Variants in PRIM2 observed in about 807,000 individuals in gnomAD.
PRIM2 encodes DNA primase subunit 2, also known as DNA primase large subunit.
A neutral mutation model predicts 67.3 loss-of-function variants in PRIM2; 39 were observed. The observed-to-expected ratio is 0.58, with a 90% CI of 0.45 to 0.76. PRIM2 has a LOEUF of 0.76. Ranked by LOEUF, PRIM2 falls within the 30% of genes least tolerant of loss-of-function variation. The pLI, the probability that PRIM2 is intolerant of heterozygous loss-of-function variation, is 0.00. For missense variants in PRIM2, 398 were observed against 598.7 expected, an observed-to-expected ratio of 0.66 and a Z score of 3.50; for synonymous variants, 143 against 198.7, an observed-to-expected ratio of 0.72 and a Z score of 2.36.
chr6:57,241,180 C>T, the PRIM2 span, among the ~76,000 whole-genome samples: 1 of 148,816 alleles, frequency 6.7e-6, no homozygotes, highest in African/African-American at 2.5e-5. Context: ...GCCGAGATTG[C>T]GCCAGTGCAC....
intron 10 of PRIM2, among the ~76,000 whole-genome samples, chr6:57,560,898 A>G (rs1775614189): frequency 6.6e-6 from 1 of 152,236 alleles, no homozygotes; most frequent in Admixed American, 6.5e-5. Context: ...TAAGGGCCCT[A>G]GGATTTTCAG....
At chr6:57,560,720 G>C (rs1775608933) in intron 10 of PRIM2, among the ~76,000 whole-genome samples, 1 of 151,798 alleles carries the variant, frequency 6.6e-6, no homozygotes, top group Non-Finnish European at 1.5e-5. Flanking sequence ...GTGACTAGGT[G>C]CATTGTCATG....
chr6:57,409,193 C>T (rs79136750), intron 7 of PRIM2, among the ~76,000 whole-genome samples: 30 of 144,640 alleles, frequency 2.1e-4, no homozygotes, highest in Non-Finnish European at 3.0e-4. Flanking sequence ...TTTTTTTTTT[C>T]GAGATGGAGT....
chr6:57,470,927 A>G (rs1418920140), intron 7 of PRIM2, among the ~76,000 whole-genome samples: 7 of 152,198 alleles, frequency 4.6e-5, no homozygotes, highest in Non-Finnish European at 1.0e-4. Flanking sequence ...AGGAAGCTAG[A>G]ATGAGTCCGA....
chr6:57,550,503 T>C (rs1315178634), intron 10 of PRIM2, among the ~76,000 whole-genome samples: 1 of 152,170 alleles, frequency 6.6e-6, no homozygotes, highest in African/African-American at 2.4e-5. Context: ...CTCCTAACAC[T>C]ATTCTGGCAA....
At chr6:57,481,798 G>A (rs1484449132) in intron 7 of PRIM2, among the ~76,000 whole-genome samples, 12,884 of 152,166 alleles carry the variant, frequency 0.085, 584 homozygotes, top group Admixed American at 0.11. Flanking sequence ...TCTGATAGGT[G>A]TCTAGTAGTA....
chr6:57,248,060 AG>A, the PRIM2 span, among the ~76,000 whole-genome samples: 1 of 152,234 alleles, frequency 6.6e-6, no homozygotes, highest in Non-Finnish European at 1.5e-5. Context: ...GGAATTAAGG[AG>A]TGTACATAAG....
intron 5 of PRIM2, among the ~76,000 whole-genome samples, chr6:57,353,652 A>G (rs1768928900): frequency 6.6e-6 from 1 of 152,192 alleles, no homozygotes. Context: ...GTAGATTACT[A>G]TCGGTAGTCT....
chr6:57,310,517 G>A (rs891585022), upstream of PRIM2, among the ~76,000 whole-genome samples: 8 of 152,156 alleles, frequency 5.3e-5, no homozygotes, highest in Non-Finnish European at 1.2e-4. Context: ...TTTTCTTTTC[G>A]ACAAAACCAC....
chr6:57,427,694 G>C (rs1308004137), intron 7 of PRIM2, among the ~76,000 whole-genome samples: 1 of 152,008 alleles, frequency 6.6e-6, no homozygotes, highest in African/African-American at 2.4e-5. Flanking sequence ...AATTTTTTTG[G>C]GGGGAGATTG....
intron 7 of PRIM2, among the ~76,000 whole-genome samples, chr6:57,410,172 A>C (rs1253799902): frequency 6.6e-6 from 1 of 151,920 alleles, no homozygotes; most frequent in South Asian, 2.1e-4. Context: ...AAAATACAAA[A>C]AATTAACCGG....
the PRIM2 span, among the ~76,000 whole-genome samples, chr6:57,256,132 G>T: frequency 6.6e-6 from 1 of 152,138 alleles, no homozygotes; most frequent in African/African-American, 2.4e-5. Flanking sequence ...CAGTTGTGAT[G>T]AGGTAAGTAC....
chr6:57,344,772 A>C (rs1184171822), intron 5 of PRIM2, among the ~76,000 whole-genome samples: 1 of 152,188 alleles, frequency 6.6e-6, no homozygotes, highest in African/African-American at 2.4e-5. Flanking sequence ...AAAATACACC[A>C]TGGCAGATGG....
intron 7 of PRIM2, among the ~76,000 whole-genome samples, chr6:57,387,628 C>A (rs1387102111): frequency 6.6e-6 from 1 of 152,134 alleles, no homozygotes; most frequent in African/African-American, 2.4e-5. Context: ...AAGGTCCAGT[C>A]ACAGAGCAGG....
the PRIM2 span, among the ~76,000 whole-genome samples, chr6:57,232,205 A>C: frequency 3.3e-5 from 5 of 152,262 alleles, no homozygotes; most frequent in Non-Finnish European, 7.3e-5. Context: ...ATCGAGTTTC[A>C]GAGCCACGTT....
intron 10 of PRIM2, among the ~76,000 whole-genome samples, chr6:57,581,159 A>G (rs1419194561): frequency 1.3e-5 from 2 of 152,208 alleles, no homozygotes; most frequent in Non-Finnish European, 2.9e-5. Context: ...CTCTGAATGC[A>G]GTATTGGATG....
chr6:57,311,509 T>C (rs1033705350), upstream of PRIM2, among the ~76,000 whole-genome samples: 8 of 132,732 alleles, frequency 6.0e-5, no homozygotes, highest in Non-Finnish European at 8.1e-5. Flanking sequence ...TCCCAGACAA[T>C]GGGCGGCCAG....
chr6:57,404,724 T>G (rs1407628831), intron 7 of PRIM2, among the ~76,000 whole-genome samples: 2 of 151,152 alleles, frequency 1.3e-5, no homozygotes, highest in African/African-American at 4.9e-5. Context: ...GCTTCAAAAT[T>G]TATGATGCAG....
At chr6:57,364,131 A>G (rs1769279473) in intron 5 of PRIM2, among the ~76,000 whole-genome samples, 1 of 148,780 alleles carries the variant, frequency 6.7e-6, no homozygotes, top group African/African-American at 2.5e-5. Flanking sequence ...CCTTGCAGAT[A>G]TTTTAATATT....
Sources: allele counts gnomAD v4.1 joint callset (sites outside exome capture counted in the v4.1 genomes callset), GRCh38; gene constraint gnomAD v4.1.1; transcripts MANE v1.5; gene names NCBI Gene and HGNC (gene_info 2026-07-23, HGNC 2026-07-21).